The following PCDH11X variants were observed in gnomAD, a reference collection of about 807,000 sequenced individuals.
PCDH11X encodes the protein protocadherin-11 X-linked.
PCDH11X carries 18 observed loss-of-function variants against 53.3 expected under a neutral mutation model. The ratio of observed to expected loss-of-function variants is 0.34; its 90% CI spans 0.23 to 0.50. The LOEUF is 0.50. Among genes scored for constraint, PCDH11X ranks in the 20% least tolerant of loss-of-function variants. The probability of loss-of-function intolerance (pLI) is 0.98; values close to 1 mark genes in which losing one functional copy is unlikely to be tolerated. For missense variants in PCDH11X, 570 were observed against 1,032.4 expected (o/e 0.55, Z 6.14); for synonymous variants, 279 against 393.3 (o/e 0.71, Z 3.44).
At chrX:92,025,366 A>C (rs901301573) in intron 6 of PCDH11X, among the ~76,000 whole-genome samples, 9 of 107,045 alleles carry the variant, frequency 8.4e-5, no homozygotes, top group African/African-American at 3.1e-4. Flanking sequence ...AGAAAAAAAA[A>C]CAAACAACCC....
At chrX:92,201,267 AC>A in intron 6 of PCDH11X, 107 bp from the exon 7 acceptor site, 1 of 1,043,466 alleles carries the variant, frequency 9.6e-7, no homozygotes, top group Non-Finnish European at 1.3e-6. Flanking sequence ...GAGATAATCT[AC>A]CCAGGCACTA....
intron 7 of PCDH11X, among the ~76,000 whole-genome samples, chrX:92,232,806 T>C (rs894988241): frequency 8.9e-6 from 1 of 111,845 alleles, no homozygotes; most frequent in Non-Finnish European, 1.9e-5. Context: ...AAGCTCCGCC[T>C]TCTGCTTCAC....
chrX:92,078,250 T>C (rs1215555462), intron 6 of PCDH11X, among the ~76,000 whole-genome samples: 1 of 110,880 alleles, frequency 9.0e-6, no homozygotes, highest in Admixed American at 9.7e-5. Flanking sequence ...GAACTGATCA[T>C]GTTGCAAAAT....
At chrX:92,107,993 G>A (rs2064422977) in intron 6 of PCDH11X, among the ~76,000 whole-genome samples, 1 of 112,217 alleles carries the variant, frequency 8.9e-6, no homozygotes, top group South Asian at 3.7e-4. Flanking sequence ...AATATGAACT[G>A]ATAAAGAAAA....
At chrX:92,410,827 G>A (rs1025406260) in intron 9 of PCDH11X, among the ~76,000 whole-genome samples, 2 of 96,533 alleles carry the variant, frequency 2.1e-5, no homozygotes, top group African/African-American at 4.8e-5. Flanking sequence ...CTGCTTTCTT[G>A]AGGCAGAAGG....
At chrX:91,862,134 T>C (rs751107399) in intron 5 of PCDH11X, among the ~76,000 whole-genome samples, 51 of 109,622 alleles carry the variant, frequency 4.7e-4, no homozygotes, top group African/African-American at 1.6e-3. Context: ...TCTGGAAATA[T>C]TCTCTCCTCT....
chrX:92,311,454 AAGAG>A (rs754594178), intron 8 of PCDH11X, among the ~76,000 whole-genome samples: 1 of 111,337 alleles, frequency 9.0e-6, no homozygotes, highest in African/African-American at 3.3e-5. Flanking sequence ...CTTCAAATAA[AAGAG>A]AGAAAAAAGC....
At chrX:92,360,800 A>G (rs997545648) in intron 8 of PCDH11X, among the ~76,000 whole-genome samples, 1 of 109,287 alleles carries the variant, frequency 9.2e-6, no homozygotes, top group Admixed American at 9.9e-5. Context: ...TCATTTTAAA[A>G]CCAAGAAAAA....
intron 6 of PCDH11X, among the ~76,000 whole-genome samples, chrX:91,913,987 C>T (rs1449802895): frequency 2.7e-5 from 3 of 111,127 alleles, no homozygotes; most frequent in South Asian, 3.9e-4. Flanking sequence ...AAAGAGCTCT[C>T]GCAGAGTCTA....
intron 6 of PCDH11X, among the ~76,000 whole-genome samples, chrX:92,094,267 A>G (rs1569351229): frequency 1.8e-5 from 2 of 109,961 alleles, no homozygotes; most frequent in Non-Finnish European, 3.8e-5. Flanking sequence ...TAACTGAAAA[A>G]AAAATGGACA....
chrX:92,519,467 T>C (rs1450308265), intron 10 of PCDH11X, among the ~76,000 whole-genome samples: 1 of 106,590 alleles, frequency 9.4e-6, no homozygotes, highest in Non-Finnish European at 1.9e-5. Context: ...TAAGTATAAT[T>C]AATTATGACT....
Position 91,890,953 on chromosome X carries a change from A to G in PCDH11X, c.3033+11680A>G, listed in dbSNP as rs370331283. Among the ~76,000 whole-genome samples the G allele has an allele frequency of 4.3e-4, 45 of 105,610 alleles. 3 individuals carry two copies. The highest frequency in any genetic ancestry group is 3.0e-3 in the Admixed American group (28 of 9,304). The allele number at this position is 105,610 out of a possible 115,157, so 91.7% of individuals were successfully genotyped here. On this transcript the variant is annotated intron_variant, in intron 6 of 10. Transcript: ENST00000682573. ...GAATATGATTATGAGGATACATCCA[A>G]TTTTCAGATTGGGCAATGTATACAG...
intron 6 of PCDH11X, among the ~76,000 whole-genome samples, chrX:91,998,038 A>G (rs1173712400): frequency 9.2e-6 from 1 of 108,788 alleles, no homozygotes; most frequent in Non-Finnish European, 1.9e-5. Context: ...GGTTCAAGTG[A>G]TTCTTCTGCC....
intron 6 of PCDH11X, among the ~76,000 whole-genome samples, chrX:92,031,136 T>G (rs1602716915): frequency 9.0e-6 from 1 of 111,579 alleles, no homozygotes; most frequent in East Asian, 2.8e-4. Context: ...CTCCACATCC[T>G]AACCAACATT....
chrX:92,351,176 G>T (rs915440894), intron 8 of PCDH11X, among the ~76,000 whole-genome samples: 3 of 111,603 alleles, frequency 2.7e-5, no homozygotes, highest in African/African-American at 9.8e-5. Context: ...TTCGTTTCAA[G>T]AACTAAAATT....
intron 5 of PCDH11X, among the ~76,000 whole-genome samples, chrX:91,869,015 A>G (rs537815147): frequency 9.0e-6 from 1 of 111,699 alleles, no homozygotes; most frequent in East Asian, 2.8e-4. Flanking sequence ...AACCTGACTC[A>G]ATTTATACAT....
At chrX:92,600,402 C>T (rs1926099070) in intron 10 of PCDH11X, among the ~76,000 whole-genome samples, 1 of 111,000 alleles carries the variant, frequency 9.0e-6, no homozygotes, top group African/African-American at 3.3e-5. Context: ...CCCTGCATTA[C>T]AGCCATGGCT....
chrX:92,330,038 T>G, intron 8 of PCDH11X, among the ~76,000 whole-genome samples: 1 of 110,839 alleles, frequency 9.0e-6, no homozygotes, highest in Non-Finnish European at 1.9e-5. Flanking sequence ...GATACCTCAT[T>G]TACTCTGATG....
chrX:91,976,160 C>T (rs2062043675), intron 6 of PCDH11X, among the ~76,000 whole-genome samples: 1 of 111,514 alleles, frequency 9.0e-6, no homozygotes, highest in South Asian at 3.8e-4. Context: ...TCAAGTAATC[C>T]TCCCACCTCA....
Sources: gnomAD v4.1 joint callset for allele counts (sites outside exome capture counted in the v4.1 genomes callset) on GRCh38, gnomAD v4.1.1 for gene constraint, MANE v1.5 for transcripts, NCBI Gene and HGNC (gene_info 2026-07-23, HGNC 2026-07-21) for gene names.